The following COL15A1 variants were observed in gnomAD, a reference collection of about 807,000 sequenced individuals.
COL15A1 encodes collagen alpha-1(XV) chain.
COL15A1 carries 111 observed loss-of-function variants against 165.9 expected under a neutral mutation model. The ratio of observed to expected loss-of-function variants is 0.67; its 90% CI spans 0.57 to 0.78. The LOEUF is 0.78. Ranked by LOEUF, COL15A1 falls within the 30% of genes least tolerant of loss-of-function variation. The probability of loss-of-function intolerance (pLI) is 0.00; values close to 1 mark genes in which losing one functional copy is unlikely to be tolerated. For missense variants in COL15A1, 1,745 were observed against 1,789.7 expected, an observed-to-expected ratio of 0.98 and a Z score of 0.45; for synonymous variants, 659 against 674.8, an observed-to-expected ratio of 0.98 and a Z score of 0.36.
rs751484665 is a variant in COL15A1, at chr9:98,997,123, G to C, written c.952+42G>C. 3.1e-6 allele frequency: 5 copies of C among 1,610,950 alleles called. No individual in the cohort carries two copies. The South Asian group carries it at 4.4e-5, about 14-fold the overall frequency. ...ATGCCTACGTAGTGGCCTTTTATTGGGTGATTACTATGTGTCCAGCCGGGG... is the reference window on the plus strand; with the variant it reads ...ATGCCTACGTAGTGGCCTTTTATTGCGTGATTACTATGTGTCCAGCCGGGG... On this transcript the variant is annotated intron_variant, in intron 6 of 41. Transcript: ENST00000375001.
intron 2 of COL15A1, among the ~76,000 whole-genome samples, chr9:98,959,354 CT>C (rs1291896453): frequency 6.6e-5 from 10 of 151,902 alleles, no homozygotes; most frequent in Admixed American, 5.2e-4. Flanking sequence ...ACCACCATGC[CT>C]GGCCAGAATT....
chr9:99,056,875 A>G (rs1261607397), intron 35 of COL15A1, among the ~76,000 whole-genome samples: 1 of 152,188 alleles, frequency 6.6e-6, no homozygotes, highest in Non-Finnish European at 1.5e-5. Flanking sequence ...ATGTTGCAGC[A>G]CGGAGTTCAT....
At chr9:99,062,425 C>A in intron 38 of COL15A1, 121 bp downstream of exon 38, 1 of 755,766 alleles carries the variant, frequency 1.3e-6, no homozygotes, top group Non-Finnish European at 2.3e-6. Context: ...GGTTTAGTAT[C>A]TGGTGAAATC....
At chr9:98,955,591 C>T (rs12683146) in intron 2 of COL15A1, among the ~76,000 whole-genome samples, 44,964 of 152,148 alleles carry the variant, frequency 0.3, 7,232 homozygotes, top group Non-Finnish European at 0.37. Context: ...TGCAGCCATC[C>T]ACTGTGCAGG....
chr9:99,046,042 G>A (rs1025565540), intron 26 of COL15A1, among the ~76,000 whole-genome samples: 2 of 152,232 alleles, frequency 1.3e-5, no homozygotes, highest in African/African-American at 2.4e-5. Context: ...AGAGATTCTT[G>A]TATTAACTAC....
intron 2 of COL15A1, among the ~76,000 whole-genome samples, chr9:98,957,858 C>CTTTTTTTTT (rs375703469): frequency 6.6e-6 from 1 of 151,698 alleles, no homozygotes; most frequent in Non-Finnish European, 1.5e-5. Flanking sequence ...TTTCTATCTT[C>CTTTTTTTTT]TTTTTTTTTC....
chr9:98,989,128 T>G (rs368534623), intron 4 of COL15A1, 50 bp from the exon 5 acceptor site: 2 of 1,454,694 alleles, frequency 1.4e-6, no homozygotes, highest in East Asian at 2.3e-5. Context: ...CCAACTCTTA[T>G]GGGCCCTGCC....
At chr9:99,065,518 G>C (rs776473125) in intron 39 of COL15A1, among the ~76,000 whole-genome samples, 1 of 151,658 alleles carries the variant, frequency 6.6e-6, no homozygotes, top group African/African-American at 2.4e-5. Context: ...GTGGTGGGTG[G>C]GCAGCATGCT....
intron 6 of COL15A1, 127 bp downstream of exon 6, chr9:98,997,208 GA>G: frequency 1.7e-6 from 2 of 1,161,006 alleles, no homozygotes; most frequent in African/African-American, 1.5e-5. Flanking sequence ...AAGAAAGGGT[GA>G]GAACCACCCT....
intron 10 of COL15A1, 133 bp downstream of exon 10, chr9:99,015,699 T>C (rs1322333324): frequency 1.1e-6 from 1 of 872,678 alleles, no homozygotes; most frequent in East Asian, 2.6e-5. Flanking sequence ...GGGCAGCTGC[T>C]GGAGGGAGGC....
chr9:99,034,247 G>A (rs1839257323), intron 16 of COL15A1, among the ~76,000 whole-genome samples: 1 of 152,212 alleles, frequency 6.6e-6, no homozygotes, highest in African/African-American at 2.4e-5. Flanking sequence ...CAGTCCACTG[G>A]CAGCTCTCCA....
chr9:99,000,704 A>C, intron 6 of COL15A1, 135 bp from the exon 7 acceptor site: 1 of 641,762 alleles, frequency 1.6e-6, no homozygotes, highest in South Asian at 1.8e-5. Context: ...TTGTTCTGCA[A>C]CTTGTTTTTT....
chr9:98,994,517 G>A (rs1049108875), intron 5 of COL15A1, among the ~76,000 whole-genome samples: 2 of 152,034 alleles, frequency 1.3e-5, no homozygotes, highest in East Asian at 1.9e-4. Flanking sequence ...TCTCACTCAC[G>A]CCATCCCATG....
At chr9:99,052,252 GA>G in intron 30 of COL15A1, 135 bp from the exon 31 acceptor site, 1 of 705,504 alleles carries the variant, frequency 1.4e-6, no homozygotes, top group Non-Finnish European at 2.6e-6. Flanking sequence ...GGCTTTGGGG[GA>G]CTCCAGAGCC....
intron 15 of COL15A1, 63 bp from the exon 16 acceptor site, chr9:99,025,841 C>A (rs1476079110): frequency 8.4e-6 from 13 of 1,548,568 alleles, no homozygotes; most frequent in East Asian, 2.3e-5. Context: ...CCTTTTCTAG[C>A]AAGCGTGTGT....
intron 5 of COL15A1, among the ~76,000 whole-genome samples, chr9:98,992,813 A>G (rs1838467321): frequency 6.6e-6 from 1 of 151,814 alleles, no homozygotes; most frequent in African/African-American, 2.4e-5. Context: ...GCCAGGCCTC[A>G]CTCCCCAGGC....
chr9:99,050,074 A>T (rs1263244442), intron 30 of COL15A1, among the ~76,000 whole-genome samples, 179 bp downstream of exon 30: 1 of 152,216 alleles, frequency 6.6e-6, no homozygotes, highest in East Asian at 1.9e-4. Context: ...GTGGCAATGA[A>T]ATATACTGGA....
chr9:99,023,960 C>G (rs1004197512), intron 14 of COL15A1, among the ~76,000 whole-genome samples: 17 of 152,234 alleles, frequency 1.1e-4, no homozygotes, highest in African/African-American at 4.1e-4. Context: ...CTCCCCTGGC[C>G]TCCTGCCAAG....
intron 2 of COL15A1, among the ~76,000 whole-genome samples, chr9:98,971,464 G>A (rs987869811): frequency 3.9e-5 from 6 of 152,068 alleles, no homozygotes; most frequent in South Asian, 2.1e-4. Flanking sequence ...AGGAAAGTCC[G>A]TACACCGAGA....
Sources: allele counts gnomAD v4.1 joint callset (sites outside exome capture counted in the v4.1 genomes callset), GRCh38; gene constraint gnomAD v4.1.1; transcripts MANE v1.5; gene names NCBI Gene and HGNC (gene_info 2026-07-23, HGNC 2026-07-21).